Variants in ABCC4 observed in about 807,000 individuals in gnomAD.
The protein encoded by ABCC4 is ATP binding cassette subfamily C member 4 (PEL blood group).
ABCC4 carries 102 observed loss-of-function variants against 168.5 expected under a neutral mutation model. The ratio of observed to expected loss-of-function variants is 0.61; its 90% confidence interval spans 0.52 to 0.71. The LOEUF (loss-of-function observed/expected upper bound fraction) is 0.71. Ranked by LOEUF, ABCC4 falls within the 30% of genes least tolerant of loss-of-function variation. The pLI, the probability that ABCC4 is intolerant of heterozygous loss-of-function variation, is 0.00. For missense variants in ABCC4, 1,402 were observed against 1,605.8 expected (o/e 0.87, Z 2.17); for synonymous variants, 617 against 590.7 (o/e 1.04, Z -0.65).
In ABCC4 at chr13:95,062,633, A is replaced by G. The variant is rs370881545; in HGVS notation, c.3366+71T>C. The G allele has an allele frequency of 3.1e-4, 421 of 1,376,852 alleles. No homozygotes were observed. The Middle Eastern group carries it at 4.2e-3, about 14-fold the overall frequency. The allele number at this position is 1,376,852 out of a possible 1,614,324, so 85.3% of individuals were successfully genotyped here. ...TCCTTTCATCCAATTAAAAAAAGCA[A>G]TAAGAGTAAAAGCAATTAAACATAG... On this transcript the variant is annotated intron_variant, in intron 26 of 30. Transcript: ENST00000645237.
At chr13:95,265,935 G>T (rs2040659859) in intron 1 of ABCC4, among the ~76,000 whole-genome samples, 1 of 152,136 alleles carries the variant, frequency 6.6e-6, no homozygotes, top group Admixed American at 6.6e-5. Flanking sequence ...CAAAAGGTCG[G>T]GCTGTATCTG....
intron 27 of ABCC4, among the ~76,000 whole-genome samples, chr13:95,048,949 C>T (rs375215141): frequency 6.6e-6 from 1 of 152,270 alleles, no homozygotes. Flanking sequence ...TATTTAGGGG[C>T]CCGAAGTGGC....
chr13:95,277,567 G>A (rs1476738253), intron 1 of ABCC4, among the ~76,000 whole-genome samples: 1 of 131,938 alleles, frequency 7.6e-6, no homozygotes, highest in Admixed American at 8.3e-5. Flanking sequence ...GGCAACAAGA[G>A]TGAGACTTCT....
At chr13:95,099,737 T>C (rs1729759) in intron 20 of ABCC4, among the ~76,000 whole-genome samples, 57,185 of 151,916 alleles carry the variant, frequency 0.38, 11,294 homozygotes, top group Middle Eastern at 0.51. Flanking sequence ...GGCTGGCCCT[T>C]TGCTGCGATG....
chr13:95,113,715 G>A (rs1380256245), intron 20 of ABCC4, among the ~76,000 whole-genome samples: 7 of 152,026 alleles, frequency 4.6e-5, no homozygotes, highest in Non-Finnish European at 1.0e-4. Context: ...TGATCCTGGC[G>A]ATACCTCAGT....
intron 19 of ABCC4, among the ~76,000 whole-genome samples, chr13:95,159,098 T>TATATATATA (rs2036987986): frequency 1.7e-5 from 1 of 57,776 alleles, no homozygotes; most frequent in Non-Finnish European, 3.0e-5. Flanking sequence ...AAATTTTATA[T>TATATATATA]ATATATATAT....
intron 4 of ABCC4, among the ~76,000 whole-genome samples, chr13:95,230,295 G>C (rs1185699173): frequency 6.6e-6 from 1 of 152,184 alleles, no homozygotes; most frequent in East Asian, 1.9e-4. Context: ...ATTAAAGCTA[G>C]TCATGATTCA....
chr13:95,267,332 T>G (rs911289198), intron 1 of ABCC4, among the ~76,000 whole-genome samples: 1 of 152,036 alleles, frequency 6.6e-6, no homozygotes, highest in Middle Eastern at 3.4e-3. Flanking sequence ...TTTTATAAAG[T>G]GGAGTTTCCC....
chr13:95,107,544 CCA>C (rs1473536971), intron 20 of ABCC4, among the ~76,000 whole-genome samples: 1 of 152,088 alleles, frequency 6.6e-6, no homozygotes, highest in Non-Finnish European at 1.5e-5. Flanking sequence ...TTTGCTTTTG[CCA>C]CAGTTAATTG....
At chr13:95,262,806 T>C (rs1054070979) in intron 1 of ABCC4, among the ~76,000 whole-genome samples, 1 of 152,098 alleles carries the variant, frequency 6.6e-6, no homozygotes, top group Non-Finnish European at 1.5e-5. Flanking sequence ...CTAATTTTTT[T>C]GTATTTTTAG....
chr13:95,123,221 C>T (rs1729742), intron 19 of ABCC4, among the ~76,000 whole-genome samples: 78,281 of 151,972 alleles, frequency 0.52, 20,525 homozygotes, highest in South Asian at 0.69. Context: ...CAATAATCTC[C>T]TACTTTGGAC....
At chr13:95,135,730 A>G (rs575533253) in intron 19 of ABCC4, among the ~76,000 whole-genome samples, 1 of 152,288 alleles carries the variant, frequency 6.6e-6, no homozygotes, top group African/African-American at 2.4e-5. Flanking sequence ...TCCTATATTA[A>G]AGATGTTGCT....
chr13:95,038,087 T>C (rs1157755601), intron 29 of ABCC4, among the ~76,000 whole-genome samples: 1 of 152,024 alleles, frequency 6.6e-6, no homozygotes, highest in Non-Finnish European at 1.5e-5. Context: ...ACTCCTGAGC[T>C]CAAAGCGATC....
chr13:95,053,260 G>T (rs1332546783), intron 26 of ABCC4, 76 bp from the exon 27 acceptor site: 5 of 1,107,670 alleles, frequency 4.5e-6, no homozygotes, highest in Middle Eastern at 2.0e-4. Context: ...ATCAACAATA[G>T]AATTAAGATA....
rs933244263 is a variant in ABCC4, at chr13:95,135,870, T to C, written c.2456-19869A>G. On this transcript the variant is annotated intron_variant, in intron 19 of 30. Coordinates refer to ENST00000645237, the MANE Select transcript of ABCC4 (RefSeq NM_005845.5). ...CTGTATGTAATTGTAGGAGATATGTTTGTAAATAGCAACATGAAACTATTA... is the reference window on the plus strand; with the variant it reads ...CTGTATGTAATTGTAGGAGATATGTCTGTAAATAGCAACATGAAACTATTA... Among the ~76,000 whole-genome samples the C allele has an allele frequency of 2.6e-5, 4 of 152,208 alleles. No individual in the cohort carries two copies. In the South Asian group the frequency reaches 8.3e-4, roughly 32 times the overall value.
intron 14 of ABCC4, among the ~76,000 whole-genome samples, chr13:95,169,621 T>G (rs552499717): frequency 1.3e-5 from 2 of 152,078 alleles, no homozygotes; most frequent in African/African-American, 4.8e-5. Flanking sequence ...GTACCTCAAG[T>G]CCCAGCGAGG....
At chr13:95,081,718 T>G (rs2034101267) in intron 21 of ABCC4, among the ~76,000 whole-genome samples, 1 of 152,084 alleles carries the variant, frequency 6.6e-6, no homozygotes, top group Admixed American at 6.6e-5. Flanking sequence ...AGTTCACTGT[T>G]GGCCAGGTGC....
chr13:95,059,042 G>C (rs1440650361), intron 26 of ABCC4, among the ~76,000 whole-genome samples: 1 of 152,240 alleles, frequency 6.6e-6, no homozygotes, highest in Non-Finnish European at 1.5e-5. Context: ...GTAATATCGT[G>C]TTGTGAGACT....
intron 30 of ABCC4, among the ~76,000 whole-genome samples, chr13:95,033,323 T>G (rs754788021): frequency 1.3e-5 from 2 of 152,150 alleles, no homozygotes; most frequent in Non-Finnish European, 2.9e-5. Context: ...TGCCTATGGA[T>G]GAACAGTTTT....
Sources: allele counts gnomAD v4.1 joint callset (sites outside exome capture counted in the v4.1 genomes callset), GRCh38; gene constraint gnomAD v4.1.1; transcripts MANE v1.5; gene names NCBI Gene and HGNC (gene_info 2026-07-23, HGNC 2026-07-21).